CNTNAP5: variants seen among roughly 807,000 people sequenced by gnomAD.
CNTNAP5 encodes the protein contactin associated protein family member 5, also known as contactin-associated protein-like 5.
A neutral mutation model predicts 150.2 loss-of-function variants in CNTNAP5; 72 were observed. That is an observed-to-expected ratio of 0.48 (90% confidence interval 0.40 to 0.58). CNTNAP5 has a LOEUF of 0.58. CNTNAP5 is among the 20% of genes least tolerant of loss of function. The pLI is 0.00. For missense variants in CNTNAP5, 1,636 were observed against 1,626.2 expected, an observed-to-expected ratio of 1.01 and a Z score of -0.10; for synonymous variants, 672 against 619.8, an observed-to-expected ratio of 1.08 and a Z score of -1.25.
At chr2:124,039,778 G>A (rs1681317964) in intron 1 of CNTNAP5, among the ~76,000 whole-genome samples, 1 of 151,914 alleles carries the variant, frequency 6.6e-6, no homozygotes, top group African/African-American at 2.4e-5. Flanking sequence ...TTTAATATGA[G>A]CAATAATTAA....
At chr2:124,222,230 T>C (rs17011136) in intron 2 of CNTNAP5, among the ~76,000 whole-genome samples, 2,861 of 152,188 alleles carry the variant, frequency 0.019, 216 homozygotes, top group Admixed American at 0.14. Context: ...AATACAAAAA[T>C]ACTATTAATT....
intron 11 of CNTNAP5, among the ~76,000 whole-genome samples, chr2:124,585,417 G>A (rs558160504): frequency 1.3e-5 from 2 of 152,264 alleles, no homozygotes; most frequent in South Asian, 2.1e-4. Flanking sequence ...ATTCTGTTGA[G>A]GGGCATCAAA....
chr2:124,301,379 A>T (rs1172367605), intron 3 of CNTNAP5, among the ~76,000 whole-genome samples: 2 of 152,164 alleles, frequency 1.3e-5, no homozygotes, highest in Admixed American at 1.3e-4. Context: ...TCTTGCCTGC[A>T]TTTCTGCTCC....
At chr2:124,635,755 G>A (rs1677957754) in intron 12 of CNTNAP5, among the ~76,000 whole-genome samples, 1 of 152,156 alleles carries the variant, frequency 6.6e-6, no homozygotes, top group African/African-American at 2.4e-5. Flanking sequence ...GGCCAAGATT[G>A]ACTGTGGTCC....
At chr2:124,028,828 T>A (rs13426564) in intron 1 of CNTNAP5, among the ~76,000 whole-genome samples, 23,247 of 151,948 alleles carry the variant, frequency 0.15, 1,933 homozygotes, top group Non-Finnish European at 0.19. Flanking sequence ...CAGGCTTGAG[T>A]ATAAAACAGC....
intron 3 of CNTNAP5, among the ~76,000 whole-genome samples, chr2:124,408,311 G>A (rs1691645963): frequency 6.6e-6 from 1 of 152,094 alleles, no homozygotes; most frequent in African/African-American, 2.4e-5. Context: ...TGGGGGAGGG[G>A]CGCCCGCCAT....
At position 124,259,682 on chromosome 2, in the gene CNTNAP5, C is replaced by T. The variant is rs188216306; in HGVS notation, c.381+17289C>T. Among the ~76,000 whole-genome samples, 391 of 152,206 alleles carry T rather than the reference C, an allele frequency of 2.6e-3. 1 individual carries two copies. Among genetic ancestry groups the T allele is most frequent in the Non-Finnish European group, 4.3e-3 (294 of 67,990 alleles). ...TTTTGAAAAGTGTCTGTTCATATCC[C>T]TTGCCCACTTTTTGATGGGGTTGTT... is the stretch of plus-strand genomic sequence containing the variant. On this transcript the variant is annotated intron_variant, in intron 3 of 23. Coordinates refer to ENST00000682447, the MANE Select transcript of CNTNAP5 (RefSeq NM_001367498.1).
At chr2:124,264,379 C>CACAG (rs149935408) in intron 3 of CNTNAP5, among the ~76,000 whole-genome samples, 8,777 of 104,678 alleles carry the variant, frequency 0.084, 838 homozygotes, top group African/African-American at 0.24. Context: ...CACAGGCACA[C>CACAG]ACACACACAT....
intron 8 of CNTNAP5, among the ~76,000 whole-genome samples, chr2:124,505,622 C>T (rs968988369): frequency 2.6e-5 from 4 of 152,120 alleles, no homozygotes; most frequent in Non-Finnish European, 5.9e-5. Flanking sequence ...CACAGCAGGT[C>T]GGTGAACAAA....
Position 124,188,319 on chromosome 2 carries a change from C to T in CNTNAP5, c.83-33386C>T, listed in dbSNP as rs543683320. Among the ~76,000 whole-genome samples, 361 of 152,232 alleles carry T rather than the reference C, an allele frequency of 2.4e-3. 1 individual carries two copies. Among genetic ancestry groups the T allele is most frequent in the Middle Eastern group, 0.017 (5 of 294 alleles). ...GTGTTTCCCCAAATATATTTGTTTACGATGATCCTTTAAGAAGTTTGGAAA... is the reference window on the plus strand; with the variant it reads ...GTGTTTCCCCAAATATATTTGTTTATGATGATCCTTTAAGAAGTTTGGAAA... On this transcript the variant is annotated intron_variant, in intron 1 of 23. Transcript: ENST00000682447.
chr2:124,064,858 C>A (rs1241227098), intron 1 of CNTNAP5, among the ~76,000 whole-genome samples: 1 of 152,052 alleles, frequency 6.6e-6, no homozygotes, highest in Non-Finnish European at 1.5e-5. Flanking sequence ...CAGTCTGATT[C>A]CTATCATCTT....
chr2:124,707,689 A>G (rs910196272), intron 13 of CNTNAP5, among the ~76,000 whole-genome samples: 17 of 152,152 alleles, frequency 1.1e-4, no homozygotes, highest in Non-Finnish European at 2.4e-4. Flanking sequence ...GGCTCAACCC[A>G]TGACATCTAA....
intron 7 of CNTNAP5, among the ~76,000 whole-genome samples, chr2:124,475,401 A>C (rs1020373624): frequency 3.3e-5 from 5 of 152,074 alleles, no homozygotes; most frequent in Non-Finnish European, 7.4e-5. Context: ...AATGAGTTTC[A>C]TGAGGGTCAG....
chr2:124,904,526 A>T (rs1016464432), intron 22 of CNTNAP5, among the ~76,000 whole-genome samples: 1 of 152,190 alleles, frequency 6.6e-6, no homozygotes, highest in Non-Finnish European at 1.5e-5. Flanking sequence ...GGCATAAAAC[A>T]GACACATAGA....
At chr2:124,766,248 C>T (rs537070285) in intron 16 of CNTNAP5, among the ~76,000 whole-genome samples, 3 of 152,136 alleles carry the variant, frequency 2.0e-5, no homozygotes, top group South Asian at 2.1e-4. Flanking sequence ...TCATTAGGTG[C>T]CCTATGTATG....
At chr2:124,720,270 T>C (rs575075256) in intron 13 of CNTNAP5, among the ~76,000 whole-genome samples, 4 of 152,310 alleles carry the variant, frequency 2.6e-5, no homozygotes, top group African/African-American at 9.6e-5. Context: ...ATTTTATTAG[T>C]TGTTTTCGGT....
At chr2:124,675,763 A>G (rs1678926895) in intron 13 of CNTNAP5, among the ~76,000 whole-genome samples, 1 of 152,028 alleles carries the variant, frequency 6.6e-6, no homozygotes, top group Admixed American at 6.6e-5. Context: ...TTGTTGTCAT[A>G]TTTTCCTTTA....
chr2:124,877,924 C>G (rs1677892586), intron 21 of CNTNAP5, among the ~76,000 whole-genome samples: 1 of 151,994 alleles, frequency 6.6e-6, no homozygotes, highest in African/African-American at 2.4e-5. Context: ...TTATTTTTCC[C>G]CTGGTCATTA....
At chr2:124,118,753 G>A (rs914257577) in intron 1 of CNTNAP5, among the ~76,000 whole-genome samples, 2 of 152,154 alleles carry the variant, frequency 1.3e-5, no homozygotes, top group Admixed American at 6.5e-5. Flanking sequence ...TGTGGGCTGG[G>A]AATTAACATG....
Sources: gnomAD v4.1 joint callset for allele counts (sites outside exome capture counted in the v4.1 genomes callset) on GRCh38, gnomAD v4.1.1 for gene constraint, MANE v1.5 for transcripts, NCBI Gene and HGNC (gene_info 2026-07-23, HGNC 2026-07-21) for gene names.